The following SKAP1 variants were observed in gnomAD, a reference collection of about 807,000 sequenced individuals.
SKAP1 encodes the protein src kinase associated phosphoprotein 1, also known as src kinase-associated phosphoprotein 1.
Under a neutral mutation model 58.5 loss-of-function variants are expected in SKAP1, and 44 were observed. That is an observed-to-expected ratio of 0.75 (90% CI 0.59 to 0.97). The LOEUF is 0.97. SKAP1 is among the 50% of genes least tolerant of loss of function. The pLI is 0.00. For synonymous variants in SKAP1, 127 were observed against 149.7 expected (o/e 0.85, Z 1.11); for missense variants, 390 against 435.2 (o/e 0.90, Z 0.92).
At chr17:48,444,339 C>T in the SKAP1 span, among the ~76,000 whole-genome samples, 3 of 152,240 alleles carry the variant, frequency 2.0e-5, no homozygotes, top group Non-Finnish European at 2.9e-5. Context: ...GCAATGAGCC[C>T]AGATCGTGCC....
intron 4 of SKAP1, among the ~76,000 whole-genome samples, chr17:48,311,342 T>A (rs1257258367): frequency 3.9e-5 from 6 of 152,186 alleles, no homozygotes; most frequent in Non-Finnish European, 4.4e-5. Context: ...GGAGATACCC[T>A]CTCCCCACAT....
At chr17:48,213,901 C>T (rs1226464475) in intron 4 of SKAP1, among the ~76,000 whole-genome samples, 1 of 152,204 alleles carries the variant, frequency 6.6e-6, no homozygotes, top group Non-Finnish European at 1.5e-5. Context: ...AGCACCTGCA[C>T]AGCACTCAAG....
intron 4 of SKAP1, among the ~76,000 whole-genome samples, chr17:48,293,717 T>G (rs2065927162): frequency 6.6e-6 from 1 of 152,196 alleles, no homozygotes; most frequent in African/African-American, 2.4e-5. Flanking sequence ...AAATCATCCC[T>G]TATTTTAGGA....
upstream of SKAP1, among the ~76,000 whole-genome samples, chr17:48,431,138 C>A (rs368251107): frequency 6.6e-6 from 1 of 152,042 alleles, no homozygotes. Flanking sequence ...AAGAAGGGAG[C>A]TGAATACCAG....
intron 4 of SKAP1, among the ~76,000 whole-genome samples, chr17:48,297,998 T>C (rs1332869901): frequency 6.6e-6 from 1 of 152,154 alleles, no homozygotes; most frequent in African/African-American, 2.4e-5. Flanking sequence ...ATCTCTTCTG[T>C]TTGCTGCACT....
At chr17:48,430,023 C>T in intron 1 of SKAP1, 52 bp downstream of exon 1, 2 of 1,248,204 alleles carry the variant, frequency 1.6e-6, no homozygotes, top group Non-Finnish European at 1.0e-6. Flanking sequence ...GGCCTGGTGT[C>T]CCCTTTCGGC....
At chr17:48,373,813 A>C (rs1192976034) in intron 2 of SKAP1, among the ~76,000 whole-genome samples, 1 of 152,214 alleles carries the variant, frequency 6.6e-6, no homozygotes, top group African/African-American at 2.4e-5. Context: ...TAGAGTTGTA[A>C]TGGCATTATA....
chr17:48,273,600 C>G (rs1449057110), intron 4 of SKAP1, among the ~76,000 whole-genome samples: 1 of 151,852 alleles, frequency 6.6e-6, no homozygotes, highest in Non-Finnish European at 1.5e-5. Flanking sequence ...GTATTTTTAG[C>G]AGAGGCGGGG....
At chr17:48,400,670 C>T (rs2067488687) in intron 1 of SKAP1, among the ~76,000 whole-genome samples, 1 of 151,424 alleles carries the variant, frequency 6.6e-6, no homozygotes, top group Non-Finnish European at 1.5e-5. Flanking sequence ...TCATTTGAGC[C>T]CAGGGAGGTT....
chr17:48,226,404 A>G (rs2065068878), intron 4 of SKAP1, among the ~76,000 whole-genome samples: 2 of 151,974 alleles, frequency 1.3e-5, no homozygotes, highest in South Asian at 4.2e-4. Flanking sequence ...GTTGACATGC[A>G]TGCATTTTTC....
intron 10 of SKAP1, among the ~76,000 whole-genome samples, chr17:48,168,890 A>T (rs1264117224): frequency 6.6e-6 from 1 of 152,214 alleles, no homozygotes; most frequent in African/African-American, 2.4e-5. Flanking sequence ...GCCTTTGGAG[A>T]AAAGGCAGTA....
intron 4 of SKAP1, among the ~76,000 whole-genome samples, chr17:48,222,165 C>A (rs2065013679): frequency 6.6e-6 from 1 of 152,168 alleles, no homozygotes. Flanking sequence ...GAGGGAACCA[C>A]AAAGAGCCTA....
chr17:48,265,460 G>A lies in SKAP1; in HGVS notation c.281-75960C>T, dbSNP rs140086918. On this transcript the variant is annotated intron_variant, in intron 4 of 12. Transcript: ENST00000336915. ...GCGGAGGTTGCAGTGAGCTGAGACCGCACCACTGCACTCCAGCCTGGGCCT... is the reference window on the plus strand; with the variant it reads ...GCGGAGGTTGCAGTGAGCTGAGACCACACCACTGCACTCCAGCCTGGGCCT... Among the ~76,000 whole-genome samples the A allele has an allele frequency of 9.8e-3, 1,477 of 150,718 alleles. 14 individuals are homozygous for A. Among genetic ancestry groups the A allele is most frequent in the Non-Finnish European group, 0.016 (1,058 of 67,754 alleles).
chr17:48,208,472 C>T (rs1445753354), intron 4 of SKAP1, among the ~76,000 whole-genome samples: 1 of 152,136 alleles, frequency 6.6e-6, no homozygotes, highest in South Asian at 2.1e-4. Context: ...AAATGATGTC[C>T]CCGAGGGTTT....
intron 4 of SKAP1, among the ~76,000 whole-genome samples, chr17:48,229,487 G>A (rs899512209): frequency 6.6e-6 from 1 of 151,952 alleles, no homozygotes; most frequent in African/African-American, 2.4e-5. Flanking sequence ...TGGGCGTTGT[G>A]GTGGGTGACT....
At chr17:48,250,576 T>C (rs1486630432) in intron 4 of SKAP1, among the ~76,000 whole-genome samples, 1 of 152,094 alleles carries the variant, frequency 6.6e-6, no homozygotes, top group Admixed American at 6.6e-5. Context: ...CCACCACGCC[T>C]GGCCATAGAT....
chr17:48,146,040 T>G (rs1192247166), intron 11 of SKAP1, among the ~76,000 whole-genome samples: 1 of 152,140 alleles, frequency 6.6e-6, no homozygotes, highest in Non-Finnish European at 1.5e-5. Context: ...GGCCCAGAAC[T>G]TTCATCAGAT....
intron 7 of SKAP1, among the ~76,000 whole-genome samples, chr17:48,184,058 T>C (rs1286093068): frequency 6.6e-6 from 1 of 152,114 alleles, no homozygotes; most frequent in East Asian, 1.9e-4. Flanking sequence ...CAGTCAGAAA[T>C]TTTTAAATTT....
At chr17:48,230,397 G>A (rs1407805041) in intron 4 of SKAP1, among the ~76,000 whole-genome samples, 1 of 152,148 alleles carries the variant, frequency 6.6e-6, no homozygotes, top group African/African-American at 2.4e-5. Context: ...CTTGATGGGG[G>A]AGAGGGAAGA....
Sources: allele counts gnomAD v4.1 joint callset (sites outside exome capture counted in the v4.1 genomes callset), GRCh38; gene constraint gnomAD v4.1.1; transcripts MANE v1.5; gene names NCBI Gene and HGNC (gene_info 2026-07-23, HGNC 2026-07-21).